ANXA11: variants seen among roughly 807,000 people sequenced by gnomAD.
ANXA11 encodes 56 kDa autoantigen.
ANXA11 carries 57 observed loss-of-function variants against 64.7 expected under a neutral mutation model. That is an observed-to-expected ratio of 0.88 (90% confidence interval 0.71 to 1.10). The LOEUF (loss-of-function observed/expected upper bound fraction) is 1.10. Ranked by LOEUF, ANXA11 falls within the 50% of genes least tolerant of loss-of-function variation. The pLI is 0.00. For missense variants in ANXA11, 675 were observed against 670.7 expected (o/e 1.01, Z -0.07); for synonymous variants, 260 against 265.2 (o/e 0.98, Z 0.19).
chr10:80,178,210 G>GCTCT (rs3060571), intron 1 of ANXA11, among the ~76,000 whole-genome samples: 20,897 of 149,132 alleles, frequency 0.14, 1,753 homozygotes, highest in African/African-American at 0.24. Context: ...CAGAAGATCT[G>GCTCT]CTCTCTCTCT....
chr10:80,196,461 G>A (rs35577915), intron 1 of ANXA11, among the ~76,000 whole-genome samples: 2,876 of 152,218 alleles, frequency 0.019, 31 homozygotes, highest in Non-Finnish European at 0.028. Flanking sequence ...CACCTGTTTC[G>A]GTAGCCTCTA....
At chr10:80,188,438 G>A (rs1159094507) in intron 1 of ANXA11, among the ~76,000 whole-genome samples, 1 of 142,700 alleles carries the variant, frequency 7.0e-6, no homozygotes, top group Non-Finnish European at 1.5e-5. Flanking sequence ...GAGGAAAAAT[G>A]CATCCATCTC....
Position 80,156,032 on chromosome 10 carries a change from T to G in ANXA11, c.1459-120A>C. Reference sequence around the variant, plus strand: ...GAGAAAGCCCCACCCTGGGGAATTTTCTCCCACTGCAGGTCCTGCAGCAGG... The same window carrying G: ...GAGAAAGCCCCACCCTGGGGAATTTGCTCCCACTGCAGGTCCTGCAGCAGG... On this transcript the variant is annotated intron_variant, in intron 15 of 15. Transcript: ENST00000422982. 2.9e-6 allele frequency: 3 copies of G among 1,051,988 alleles called. No individual in the cohort carries two copies. The South Asian group carries it at 4.2e-5, about 15-fold the overall frequency. 65.2% of individuals were successfully genotyped at this position (1,051,988 alleles called of 1,614,324 possible).
intron 7 of ANXA11, 38 bp from the exon 8 acceptor site, chr10:80,166,235 AAAC>A (rs1367174283): frequency 1.8e-5 from 23 of 1,294,136 alleles, no homozygotes; most frequent in Middle Eastern, 1.9e-4. Context: ...ACAAAAAAAA[AAAC>A]AAGTCTATTT....
rs1454763647 is a variant in ANXA11, at chr10:80,164,035, C to T, written c.949+18G>A. On this transcript the variant is annotated intron_variant, in intron 9 of 15. Transcript: ENST00000422982. ...TCTGCAGAGGGCAGAGGGCAGAGGG[C>T]AGAGGGAGCGGCCTCACCTGCTTTG... 1 of 1,607,942 alleles carries T rather than the reference C, an allele frequency of 6.2e-7. No individual in the cohort carries two copies. The highest frequency in any genetic ancestry group is 8.5e-7 in the Non-Finnish European group (1 of 1,174,854).
Position 80,155,178 on chromosome 10 carries a change from G to A in ANXA11, c.*675C>T, listed in dbSNP as rs1365463543. 6.6e-6 allele frequency: 1 copy of A among 152,560 alleles called. No individual in the cohort carries two copies. The highest frequency in any genetic ancestry group is 1.5e-5 in the Non-Finnish European group (1 of 68,076). The allele number at this position is 152,560 out of a possible 1,614,324, so 9.5% of individuals were successfully genotyped here. ...GACTCTTAATGTGGAAACAAGTTTT[G>A]GCTACAGACATTCAGGTTTAAGGCA... On this transcript the variant is annotated 3_prime_UTR_variant, in exon 16 of 16. Coordinates refer to ENST00000422982, the MANE Select transcript of ANXA11 (RefSeq NM_145868.2).
At position 80,168,974 on chromosome 10, in the gene ANXA11, T is replaced by C. The variant is rs995925642; in HGVS notation, c.556A>G (p.Thr186Ala). 9 of 1,530,810 alleles carry C rather than the reference T, an allele frequency of 5.9e-6. No homozygotes were observed. Among genetic ancestry groups the C allele is most frequent in the Non-Finnish European group, 7.9e-6 (9 of 1,144,762 alleles). 94.8% of individuals were successfully genotyped at this position (1,530,810 alleles called of 1,614,324 possible). ...SGTVTPAVPP[T>A]QFGSRGTITD... ...GGCAGTGGGCTGACACTCACCTGGG[T>C]TGGGGGCACAGCGGGGGTGACAGTC... The change falls in exon 5 of 16, where the codon ACC becomes GCC. Residue 186 changes from threonine (T) to alanine (A), a missense_variant. Transcript: ENST00000422982.
At chr10:80,190,586 T>C (rs1377467676) in intron 1 of ANXA11, among the ~76,000 whole-genome samples, 1 of 150,618 alleles carries the variant, frequency 6.6e-6, no homozygotes, top group Non-Finnish European at 1.5e-5. Flanking sequence ...CCTGAGTTCA[T>C]GCCGTTCTCC....
chr10:80,165,216 CA>C (rs1845675567), intron 8 of ANXA11, among the ~76,000 whole-genome samples: 1 of 152,220 alleles, frequency 6.6e-6, no homozygotes, highest in Non-Finnish European at 1.5e-5. Flanking sequence ...CTTTCCAGGC[CA>C]CCACACTGAA....
intron 1 of ANXA11, among the ~76,000 whole-genome samples, chr10:80,189,763 C>T (rs964844747): frequency 2.0e-5 from 3 of 152,192 alleles, no homozygotes; most frequent in African/African-American, 7.2e-5. Flanking sequence ...GGATACTCAA[C>T]CTATATACCT....
At chr10:80,200,341 A>C (rs1232635078) in intron 1 of ANXA11, among the ~76,000 whole-genome samples, 1 of 152,224 alleles carries the variant, frequency 6.6e-6, no homozygotes, top group East Asian at 1.9e-4. Flanking sequence ...CTTATTTATT[A>C]ATTTTAAGAC....
intron 5 of ANXA11, among the ~76,000 whole-genome samples, chr10:80,167,915 A>G (rs1294954152): frequency 2.0e-5 from 3 of 152,080 alleles, no homozygotes; most frequent in Non-Finnish European, 4.4e-5. Flanking sequence ...CTCCCAGTGG[A>G]TTGTCTTCCT....
At chr10:80,166,630 C>T in intron 7 of ANXA11, 1 of 537,550 alleles carries the variant, frequency 1.9e-6, no homozygotes, top group Non-Finnish European at 3.3e-6. Context: ...ATGATGTGGC[C>T]ACAACCTCAG....
At position 80,159,152 on chromosome 10, in the gene ANXA11, C is replaced by G; in HGVS notation, c.1224G>C (p.Lys408Asn). 1 of 1,614,164 alleles carries G rather than the reference C, an allele frequency of 6.2e-7. No homozygotes were observed. Among genetic ancestry groups the G allele is most frequent in the Non-Finnish European group, 8.5e-7 (1 of 1,180,028 alleles). ...YQRMTGRDIE[K>N]SICREMSGDL... ...CCCCGGACATCTCCCGGCAGATGCTCTTCTCAATGTCCCGGCCTGTCATTC... is the reference window on the plus strand; with the variant it reads ...CCCCGGACATCTCCCGGCAGATGCTGTTCTCAATGTCCCGGCCTGTCATTC... Residue 408 changes from lysine (K) to asparagine (N), a missense_variant, in exon 13 of 16, where the codon AAG becomes AAC. By Grantham distance (94) the Lys-to-Asn change is moderately conservative (BLOSUM62 0). Transcript: ENST00000422982.
chr10:80,194,126 C>T (rs1308451668), intron 1 of ANXA11, among the ~76,000 whole-genome samples: 4 of 152,190 alleles, frequency 2.6e-5, no homozygotes, highest in African/African-American at 9.7e-5. Context: ...GTCTGTGAGA[C>T]TGGTACCAAC....
rs748869505 is a variant in ANXA11, at chr10:80,167,321, GACAA to G, written c.562-12_562-9del. 24 of 1,613,782 alleles carry G rather than the reference GACAA, an allele frequency of 1.5e-5. No homozygotes were observed. The East Asian group carries it at 1.6e-4, about 10-fold the overall frequency. ...GGTGCCTCGGCTTCCAAACTACTCG[GACAA>G]ACAGTCTCAGGTAAGATGTCGTGCA... On this transcript the variant is annotated splice_polypyrimidine_tract_variant and intron_variant, in intron 5 of 15. Coordinates refer to ENST00000422982, the MANE Select transcript of ANXA11 (RefSeq NM_145868.2).
rs1265475361 is a variant in ANXA11, at chr10:80,157,769, G to A, written c.1336-6C>T. The A allele has an allele frequency of 6.2e-6, 10 of 1,612,128 alleles. No individual in the cohort carries two copies. The highest frequency in any genetic ancestry group is 1.7e-5 in the Admixed American group (1 of 59,886). ...CGGTCCTTTGTTCCTGCCCCCTAAA[G>A]AGAGTCCACCCAAGAGCATGAGCAC... On this transcript the variant is annotated splice_polypyrimidine_tract_variant and splice_region_variant and intron_variant, in intron 14 of 15. Coordinates refer to ENST00000422982, the MANE Select transcript of ANXA11 (RefSeq NM_145868.2).
intron 3 of ANXA11, chr10:80,171,702 G>T: frequency 1.0e-6 from 1 of 985,478 alleles, no homozygotes; most frequent in African/African-American, 1.7e-5. Context: ...TGGCAGCTTC[G>T]GATCGGCTCT....
Position 80,152,503 on chromosome 10 carries a change from C to T in ANXA11, c.*3350G>A, listed in dbSNP as rs1226930359. 6.6e-6 allele frequency: 1 copy of T among 152,580 alleles called. No individual in the cohort carries two copies. The highest frequency in any genetic ancestry group is 1.5e-5 in the Non-Finnish European group (1 of 68,352). 9.5% of individuals were successfully genotyped at this position (152,580 alleles called of 1,614,324 possible). On this transcript the variant is annotated 3_prime_UTR_variant, in exon 16 of 16. Coordinates refer to ENST00000422982, the MANE Select transcript of ANXA11 (RefSeq NM_145868.2). ...ACTAGGACAAACACAGGTGTCAGGT[C>T]CACAACTATGCCAAATGTCATGCCC...
Sources: gnomAD v4.1 joint callset for allele counts (sites outside exome capture counted in the v4.1 genomes callset) on GRCh38, gnomAD v4.1.1 for gene constraint, MANE v1.5 for transcripts, NCBI Gene and HGNC (gene_info 2026-07-23, HGNC 2026-07-21) for gene names.